Variants in KDM4C observed in about 807,000 individuals in gnomAD.
KDM4C encodes the protein lysine-specific demethylase 4C.
Under a neutral mutation model 129.3 loss-of-function variants are expected in KDM4C, and 81 were observed. That is an observed-to-expected ratio of 0.63 (90% CI 0.52 to 0.75). KDM4C has a LOEUF of 0.75. Among genes scored for constraint, KDM4C ranks in the 30% least tolerant of loss-of-function variants. The pLI, the probability that KDM4C is intolerant of heterozygous loss-of-function variation, is 0.00. For synonymous variants in KDM4C, 573 were observed against 456.1 expected, an observed-to-expected ratio of 1.26 and a Z score of -3.26; for missense variants, 1,457 against 1,304.0, an observed-to-expected ratio of 1.12 and a Z score of -1.81.
chr9:6,731,357 A>G (rs28854009), intron 1 of KDM4C, among the ~76,000 whole-genome samples: 11,740 of 100,226 alleles, frequency 0.12, 662 homozygotes, highest in Middle Eastern at 0.22. Flanking sequence ...ACTGAGTTTC[A>G]CTCTTGTTGC....
At position 6,792,999 on chromosome 9, in the gene KDM4C, C is replaced by G; in HGVS notation, c.11C>G (p.Ala4Gly). The G allele has an allele frequency of 6.2e-7, 1 of 1,614,140 alleles. No individual in the cohort carries two copies. Among genetic ancestry groups the G allele is most frequent in the Non-Finnish European group, 8.5e-7 (1 of 1,180,024 alleles). The change falls in exon 2 of 22, where the codon GCC becomes GGC. Residue 4 changes from alanine (A) to glycine (G), a missense_variant. Coordinates refer to ENST00000381309, the MANE Select transcript of KDM4C (RefSeq NM_015061.6). MEV[A>G]EVESPLNPSC... The stretch of plus-strand genomic sequence containing the variant: ...ACTGCCCTAACCATCATGGAGGTGG[C>G]CGAGGTGGAAAGTCCTCTGAACCCC...
intron 6 of KDM4C, among the ~76,000 whole-genome samples, chr9:6,885,693 G>C (rs569734934): frequency 6.6e-6 from 1 of 152,078 alleles, no homozygotes; most frequent in Non-Finnish European, 1.5e-5. Context: ...TGGAGTGAGA[G>C]TGAGTATGAA....
At chr9:7,074,783 T>G (rs1371278081) in intron 17 of KDM4C, among the ~76,000 whole-genome samples, 2 of 152,190 alleles carry the variant, frequency 1.3e-5, no homozygotes, top group African/African-American at 2.4e-5. Context: ...GTATAGGGTA[T>G]CACTAAGATA....
chr9:6,903,072 A>G (rs969703531), intron 8 of KDM4C, among the ~76,000 whole-genome samples: 2 of 152,148 alleles, frequency 1.3e-5, no homozygotes, highest in Non-Finnish European at 2.9e-5. Context: ...TCAGTTTCAT[A>G]TACTTCAGGT....
At chr9:7,156,862 T>C (rs543409613) in intron 19 of KDM4C, among the ~76,000 whole-genome samples, 1 of 152,224 alleles carries the variant, frequency 6.6e-6, no homozygotes, top group Non-Finnish European at 1.5e-5. Flanking sequence ...ATATGAACTT[T>C]AAAGTAGTTT....
At chr9:6,830,444 G>A (rs1304548916) in intron 4 of KDM4C, among the ~76,000 whole-genome samples, 1 of 152,086 alleles carries the variant, frequency 6.6e-6, no homozygotes, top group Non-Finnish European at 1.5e-5. Context: ...GCTTTTGGGG[G>A]GTCACTGGTG....
chr9:7,082,352 G>C (rs1223589505), intron 17 of KDM4C, among the ~76,000 whole-genome samples: 1 of 152,160 alleles, frequency 6.6e-6, no homozygotes, highest in Non-Finnish European at 1.5e-5. Flanking sequence ...GATTCAGCGG[G>C]AGTTACACAG....
intron 17 of KDM4C, among the ~76,000 whole-genome samples, chr9:7,082,184 A>G (rs984873392): frequency 6.6e-6 from 1 of 152,188 alleles, no homozygotes; most frequent in African/African-American, 2.4e-5. Context: ...TATACTCAGG[A>G]AAGGCTTAAA....
intron 1 of KDM4C, among the ~76,000 whole-genome samples, chr9:6,746,199 C>G (rs543942550): frequency 6.6e-6 from 1 of 151,084 alleles, no homozygotes; most frequent in East Asian, 2.0e-4. Flanking sequence ...CCTCGGTCTC[C>G]CAGAGTGCTG....
intron 4 of KDM4C, among the ~76,000 whole-genome samples, chr9:6,839,404 T>TG (rs1380373785): frequency 6.7e-6 from 1 of 148,888 alleles, no homozygotes; most frequent in East Asian, 2.0e-4. Context: ...CAGTTTTTTT[T>TG]TTTTTTTTTT....
At chr9:7,076,566 C>G in intron 17 of KDM4C, 21 of 1,516,970 alleles carry the variant, frequency 1.4e-5, no homozygotes, top group Non-Finnish European at 1.7e-5. Flanking sequence ...TTCTCATTCT[C>G]CATGGGAGCA....
At chr9:6,837,134 T>C (rs1245166039) in intron 4 of KDM4C, among the ~76,000 whole-genome samples, 1 of 152,188 alleles carries the variant, frequency 6.6e-6, no homozygotes, top group African/African-American at 2.4e-5. Context: ...CTTGGCTGAC[T>C]GTAACCTCAG....
Position 6,806,793 on chromosome 9 carries a change from C to G in KDM4C, c.320+1019C>G, listed in dbSNP as rs998989938. 3.9e-5 allele frequency among the ~76,000 whole-genome samples: 6 copies of G among 152,152 alleles called. No individual in the cohort carries two copies. In the East Asian group the frequency reaches 9.7e-4, roughly 25 times the overall value. On this transcript the variant is annotated intron_variant, in intron 3 of 21. Transcript: ENST00000381309. ...CTGGCTTCTCCCAGAGCAAGTGATC[C>G]GAGAGAGATCGCAAGAAGGAAGCCA... is the stretch of plus-strand genomic sequence containing the variant.
intron 7 of KDM4C, 23 bp downstream of exon 7, chr9:6,888,086 C>CAAACA: frequency 8.0e-7 from 1 of 1,250,264 alleles, no homozygotes; most frequent in Non-Finnish European, 1.1e-6. Flanking sequence ...TCATCTTACA[C>CAAACA]AAATTAATTT....
At chr9:7,090,781 T>G (rs1042021242) in intron 17 of KDM4C, among the ~76,000 whole-genome samples, 5 of 152,228 alleles carry the variant, frequency 3.3e-5, no homozygotes, top group African/African-American at 9.6e-5. Context: ...TTGACTCACG[T>G]TGTAAGAATA....
intron 15 of KDM4C, among the ~76,000 whole-genome samples, chr9:7,040,109 C>T (rs997087943): frequency 6.6e-6 from 1 of 152,012 alleles, no homozygotes; most frequent in Non-Finnish European, 1.5e-5. Context: ...CACACTCTGC[C>T]TTCAAATAAT....
intron 7 of KDM4C, among the ~76,000 whole-genome samples, chr9:6,889,149 T>C (rs999177638): frequency 6.6e-6 from 1 of 151,438 alleles, no homozygotes; most frequent in Non-Finnish European, 1.5e-5. Context: ...TCTTGGAAGC[T>C]TTTTGCTTGT....
intron 15 of KDM4C, among the ~76,000 whole-genome samples, chr9:7,031,935 A>G (rs1235292902): frequency 6.6e-6 from 1 of 152,210 alleles, no homozygotes; most frequent in Non-Finnish European, 1.5e-5. Context: ...TAGAGATTGT[A>G]AGTGACTTGT....
intron 19 of KDM4C, 68 bp downstream of exon 19, chr9:7,128,304 C>T: frequency 3.1e-6 from 4 of 1,295,314 alleles, no homozygotes; most frequent in Non-Finnish European, 4.1e-6. Flanking sequence ...GTAACTGAGC[C>T]CTTCAGAATT....
Sources: allele counts gnomAD v4.1 joint callset (sites outside exome capture counted in the v4.1 genomes callset), GRCh38; gene constraint gnomAD v4.1.1; transcripts MANE v1.5; gene names NCBI Gene and HGNC (gene_info 2026-07-23, HGNC 2026-07-21).